IGF2BP2: variants seen among roughly 807,000 people sequenced by gnomAD.
The protein encoded by IGF2BP2 is insulin-like growth factor 2 mRNA-binding protein 2.
In IGF2BP2, 17 loss-of-function variants were observed where a neutral mutation model predicts 75.8. That is an observed-to-expected ratio of 0.22 (90% CI 0.15 to 0.34). The LOEUF (loss-of-function observed/expected upper bound fraction) is 0.34, where lower values mean the gene tolerates loss of function less well. Ranked by LOEUF, IGF2BP2 falls within the 10% of genes least tolerant of loss-of-function variation. IGF2BP2 has a pLI of 1.00. For missense variants in IGF2BP2, 516 were observed against 772.4 expected (o/e 0.67, Z 3.93); for synonymous variants, 288 against 295.6 (o/e 0.97, Z 0.26).
rs763521351 is a variant in IGF2BP2 at position 185,696,631 on chromosome 3, T to C, written c.321A>G (p.Thr107=). ...TATTACCTTGTTCCACATTCTCCAC[T>C]GTCCCATATTGAGCCAAAAGTCCAT... ...VLDGLLAQYG[T]VENVEQVNTD... The change falls in exon 4 of 16, where the codon ACA becomes ACG. Residue 107 remains threonine (T), a synonymous_variant. Transcript: ENST00000382199. 5.0e-6 allele frequency: 8 copies of C among 1,613,902 alleles called. No homozygotes were observed. Among genetic ancestry groups the C allele is most frequent in the South Asian group, 1.1e-5 (1 of 91,066 alleles).
chr3:185,736,094 C>A (rs1578145257), intron 2 of IGF2BP2, among the ~76,000 whole-genome samples: 1 of 152,190 alleles, frequency 6.6e-6, no homozygotes, highest in East Asian at 1.9e-4. Context: ...AGGGGTCCCC[C>A]AGATCACCGT....
In IGF2BP2 at chr3:185,645,748, C is replaced by G. The variant is rs1463525127; in HGVS notation, c.1708-125G>C. The G allele has an allele frequency of 1.4e-6, 1 of 698,894 alleles. No individual in the cohort carries two copies. 43.3% of individuals were successfully genotyped at this position (698,894 alleles called of 1,614,324 possible). A position where few individuals can be genotyped will look rare whatever the true frequency, so the allele number is the denominator to read the frequency against. On this transcript the variant is annotated intron_variant, in intron 15 of 15. Coordinates refer to ENST00000382199, the MANE Select transcript of IGF2BP2 (RefSeq NM_006548.6). The surrounding 1 kb of genome is among the most constrained non-coding windows in gnomAD (Gnocchi z 4.9). ...GGTGGAATGCTCAGACAAGCATCATCTACCCACCCCCGCACGTTACTCCAG... is the reference window on the plus strand; with the variant it reads ...GGTGGAATGCTCAGACAAGCATCATGTACCCACCCCCGCACGTTACTCCAG...
rs1456214514 is a variant in IGF2BP2 at position 185,793,065 on chromosome 3, CA to C, written c.239+30087del. ...AAACTATTCAGATCTCAGCACATTA[CA>C]GGGGTGGTTACAAATGTGGTTGGCT... is the stretch of plus-strand genomic sequence containing the variant. On this transcript the variant is annotated intron_variant, in intron 2 of 15. Transcript: ENST00000382199. 4.6e-5 allele frequency among the ~76,000 whole-genome samples: 7 copies of C among 152,166 alleles called. No homozygotes were observed. In the East Asian group the frequency reaches 9.6e-4, roughly 21 times the overall value.
chr3:185,670,240 C>A (rs1320953638), intron 10 of IGF2BP2, among the ~76,000 whole-genome samples: 1 of 152,156 alleles, frequency 6.6e-6, no homozygotes, highest in African/African-American at 2.4e-5. Context: ...ATAAAGGAAG[C>A]TTTCCAACTA....
intron 2 of IGF2BP2, among the ~76,000 whole-genome samples, chr3:185,741,470 C>G (rs1296478630): frequency 1.3e-5 from 2 of 152,048 alleles, no homozygotes; most frequent in Non-Finnish European, 2.9e-5. Flanking sequence ...CTAATTTGAC[C>G]AATAGACACA....
chr3:185,671,226 C>T (rs1718451621), intron 10 of IGF2BP2, among the ~76,000 whole-genome samples: 1 of 152,162 alleles, frequency 6.6e-6, no homozygotes. Context: ...AATGATATAA[C>T]TAAAGAGGTG....
intron 2 of IGF2BP2, among the ~76,000 whole-genome samples, chr3:185,792,938 CTCT>C (rs1345606447): frequency 6.6e-6 from 1 of 152,064 alleles, no homozygotes; most frequent in African/African-American, 2.4e-5. Context: ...GCTCTTCCTC[CTCT>C]ATCTCAGCCA....
At chr3:185,794,958 C>T (rs1043934247) in intron 2 of IGF2BP2, among the ~76,000 whole-genome samples, 7 of 151,780 alleles carry the variant, frequency 4.6e-5, no homozygotes, top group African/African-American at 1.5e-4. Flanking sequence ...AGTGCAGTGG[C>T]GCTCTCTCTG....
intron 10 of IGF2BP2, among the ~76,000 whole-genome samples, chr3:185,665,293 GAGGAGA>G (rs1245452445): frequency 5.6e-4 from 73 of 129,780 alleles, no homozygotes; most frequent in African/African-American, 2.0e-3. Flanking sequence ...GAAGAAGAAG[GAGGAGA>G]AGGAGAAGGA....
At chr3:185,680,422 G>C (rs1319631723) in intron 7 of IGF2BP2, among the ~76,000 whole-genome samples, 2 of 152,284 alleles carry the variant, frequency 1.3e-5, no homozygotes, top group East Asian at 1.9e-4. Context: ...CCAAAAAAAT[G>C]AAGAGGAGGG....
At chr3:185,716,612 C>CG (rs1560347572) in intron 2 of IGF2BP2, 4 of 519,816 alleles carry the variant, frequency 7.7e-6, no homozygotes, top group African/African-American at 1.9e-5. Flanking sequence ...TACTTTTCTT[C>CG]GGGGGCAGGT....
At chr3:185,758,829 G>C (rs547094161) in intron 2 of IGF2BP2, among the ~76,000 whole-genome samples, 16 of 152,158 alleles carry the variant, frequency 1.1e-4, no homozygotes, top group Admixed American at 6.5e-4. Flanking sequence ...AACCACCCTC[G>C]TGTCATGGTC....
intron 2 of IGF2BP2, among the ~76,000 whole-genome samples, chr3:185,723,425 C>A (rs1279213092): frequency 1.3e-5 from 2 of 152,194 alleles, no homozygotes; most frequent in African/African-American, 4.8e-5. Context: ...AAGGATGCTG[C>A]ATCCCAGAGA....
chr3:185,802,578 T>C (rs766313971), intron 2 of IGF2BP2, among the ~76,000 whole-genome samples: 2 of 152,210 alleles, frequency 1.3e-5, no homozygotes, highest in African/African-American at 4.8e-5. Context: ...TACTGGGTCT[T>C]GAGAACATTT....
At chr3:185,750,453 C>A (rs1365188996) in intron 2 of IGF2BP2, among the ~76,000 whole-genome samples, 2 of 152,156 alleles carry the variant, frequency 1.3e-5, no homozygotes, top group Non-Finnish European at 2.9e-5. Context: ...CCTAGAGGTA[C>A]AAATTCTAGA....
intron 1 of IGF2BP2, 62 bp downstream of exon 1, chr3:185,824,721 C>T: frequency 8.3e-7 from 1 of 1,208,146 alleles, no homozygotes. Flanking sequence ...CGGCCTCCCT[C>T]CCGGCGCCGT....
rs996902372 is a variant in IGF2BP2 at position 185,659,466 on chromosome 3, G to A, written c.1201-1057C>T. Reference sequence around the variant, plus strand: ...TCGGCTCACTGCAACCTCCGCCCCCGCAGGTTCAAGCGATTCTCCTGCCTC... The same window carrying A: ...TCGGCTCACTGCAACCTCCGCCCCCACAGGTTCAAGCGATTCTCCTGCCTC... On this transcript the variant is annotated intron_variant, in intron 10 of 15. Coordinates refer to ENST00000382199, the MANE Select transcript of IGF2BP2 (RefSeq NM_006548.6). Among the ~76,000 whole-genome samples the A allele has an allele frequency of 4.6e-5, 7 of 150,556 alleles. No individual in the cohort carries two copies. In the East Asian group the frequency reaches 8.0e-4, roughly 17 times the overall value.
intron 2 of IGF2BP2, among the ~76,000 whole-genome samples, chr3:185,752,845 C>A (rs1361823855): frequency 6.6e-6 from 1 of 152,156 alleles, no homozygotes; most frequent in Admixed American, 6.5e-5. Context: ...GATCCTCCCA[C>A]CTCAGCCTCC....
intron 10 of IGF2BP2, among the ~76,000 whole-genome samples, chr3:185,664,241 C>T (rs1716929311): frequency 6.6e-6 from 1 of 152,176 alleles, no homozygotes; most frequent in African/African-American, 2.4e-5. Context: ...ACACAGATCT[C>T]TGTGTCTGCC....
Sources: gnomAD v4.1 joint callset for allele counts (sites outside exome capture counted in the v4.1 genomes callset) on GRCh38, gnomAD v4.1.1 for gene constraint, Gnocchi (gnomAD v3.1) non-coding constraint, MANE v1.5 for transcripts, NCBI Gene and HGNC (gene_info 2026-07-23, HGNC 2026-07-21) for gene names.